The following CYP24A1 variants were observed in gnomAD, a reference collection of about 807,000 sequenced individuals.
CYP24A1 encodes 1,25-dihydroxyvitamin D(3) 24-hydroxylase, mitochondrial.
CYP24A1 carries 68 observed loss-of-function variants against 62.4 expected under a neutral mutation model. The observed-to-expected ratio is 1.09, with a 90% CI of 0.90 to 1.33. The LOEUF (loss-of-function observed/expected upper bound fraction) is 1.33, where lower values mean the gene tolerates loss of function less well. Ranked by LOEUF, CYP24A1 falls within the 40% of genes most tolerant of loss-of-function variation. The probability of loss-of-function intolerance (pLI) is 0.00; values close to 1 mark genes in which losing one functional copy is unlikely to be tolerated. For missense variants in CYP24A1, 787 were observed against 653.0 expected (o/e 1.21, Z -2.24); for synonymous variants, 267 against 253.0 (o/e 1.06, Z -0.52).
At position 54,158,154 on chromosome 20, in the gene CYP24A1, T is replaced by A; in HGVS notation, c.1168A>T (p.Ser390Cys). Reference protein sequence around the residue: ...CLKESMRLTPSVPFTTRTLDK... With the variant: ...CLKESMRLTPCVPFTTRTLDK... ...AGAGTCCGAGTTGTAAATGGTACAC[T>A]CGGCGTAAGCCTGAAAAGATAAAAT... Residue 390 changes from serine (S) to cysteine (C), a missense_variant, in exon 9 of 12, where the codon AGT becomes TGT. By Grantham distance (112) the Ser-to-Cys change is moderately radical. Coordinates refer to ENST00000216862, the MANE Select transcript of CYP24A1 (RefSeq NM_000782.5). The A allele has an allele frequency of 2.5e-6, 4 of 1,613,980 alleles. No individual in the cohort carries two copies. Among genetic ancestry groups the A allele is most frequent in the Non-Finnish European group, 2.5e-6 (3 of 1,179,990 alleles).
Position 54,173,165 on chromosome 20 carries a change from T to G in CYP24A1, c.259-66A>C. On this transcript the variant is annotated intron_variant, in intron 1 of 11. Coordinates refer to ENST00000216862, the MANE Select transcript of CYP24A1 (RefSeq NM_000782.5). This position sits in a 1 kb window ranked among gnomAD's most constrained non-coding sequence, Gnocchi z 7.2. Reference sequence around the variant, plus strand: ...TCCGCCGTGCCCGAAGCGCTTTCCCTCCTCCCGCCTCCTTCCTCCTAGGGG... The same window carrying G: ...TCCGCCGTGCCCGAAGCGCTTTCCCGCCTCCCGCCTCCTTCCTCCTAGGGG... The G allele has an allele frequency of 6.4e-7, 1 of 1,565,078 alleles. No individual in the cohort carries two copies. The highest frequency in any genetic ancestry group is 8.7e-7 in the Non-Finnish European group (1 of 1,147,422).
chr20:54,173,817 G>T lies in CYP24A1; in HGVS notation c.-238C>A. ...TGGTGCCTCCTTGCACTGGCCGCAG[G>T]GGCTGGAAGAGGGTGGCCGGTGTCT... On this transcript the variant is annotated 5_prime_UTR_variant, in exon 1 of 12. Transcript: ENST00000216862. This position sits in a 1 kb window ranked among gnomAD's most constrained non-coding sequence, Gnocchi z 7.2. The T allele has an allele frequency of 1.7e-6, 1 of 579,804 alleles. No homozygotes were observed. Among genetic ancestry groups the T allele is most frequent in the Non-Finnish European group, 3.1e-6 (1 of 325,640 alleles). The allele number at this position is 579,804 out of a possible 1,614,324, so 35.9% of individuals were successfully genotyped here. A position where few individuals can be genotyped will look rare whatever the true frequency, so the allele number is the denominator to read the frequency against.
intron 4 of CYP24A1, among the ~76,000 whole-genome samples, chr20:54,167,511 C>A (rs904727974): frequency 3.9e-5 from 6 of 152,148 alleles, no homozygotes; most frequent in Admixed American, 3.9e-4. Context: ...GTATCGCACG[C>A]CTGCAATACC....
intron 2 of CYP24A1, among the ~76,000 whole-genome samples, chr20:54,172,446 G>A (rs2092697179): frequency 6.6e-6 from 1 of 152,098 alleles, no homozygotes; most frequent in Non-Finnish European, 1.5e-5. Flanking sequence ...TAGAAATAAG[G>A]CATGTCCCCC....
chr20:54,167,407 G>A (rs1177142068), intron 4 of CYP24A1, among the ~76,000 whole-genome samples: 1 of 152,180 alleles, frequency 6.6e-6, no homozygotes, highest in East Asian at 1.9e-4. Flanking sequence ...TCTCAGAGGT[G>A]GAGGTGGGAG....
At chr20:54,156,783 T>G (rs1483511327) in intron 11 of CYP24A1, among the ~76,000 whole-genome samples, 1 of 152,218 alleles carries the variant, frequency 6.6e-6, no homozygotes, top group African/African-American at 2.4e-5. Context: ...AAGGTAGTAT[T>G]AAGAGGATGT....
At position 54,164,457 on chromosome 20, in the gene CYP24A1, T is replaced by A. The variant is rs1439490612; in HGVS notation, c.839A>T (p.Lys280Ile). ...DHTLAWDTIF[K>I]SVKACIDNRL... ...TGTGAAGGGCGGCCCTTTACCTGAT[T>A]TGAAAATGGTGTCCCAGGCCAGAGT... is the stretch of plus-strand genomic sequence containing the variant. Residue 280 changes from lysine (K) to isoleucine (I), a missense_variant, in exon 6 of 12, where the codon AAA becomes ATA. Physicochemically the swap from Lys to Ile is moderately radical, Grantham distance 102. Transcript: ENST00000216862. 7 of 1,614,008 alleles carry A rather than the reference T, an allele frequency of 4.3e-6. No individual in the cohort carries two copies. The highest frequency in any genetic ancestry group is 5.9e-6 in the Non-Finnish European group (7 of 1,180,014).
At chr20:54,169,066 T>A (rs2092684769) in intron 4 of CYP24A1, among the ~76,000 whole-genome samples, 2 of 150,938 alleles carry the variant, frequency 1.3e-5, no homozygotes, top group African/African-American at 4.9e-5. Flanking sequence ...CCTGACTAAT[T>A]TTTGTATTTT....
In CYP24A1 at chr20:54,173,678, A is replaced by G; in HGVS notation, c.-99T>C. On this transcript the variant is annotated 5_prime_UTR_variant, in exon 1 of 12. Transcript: ENST00000216862. This position sits in a 1 kb window ranked among gnomAD's most constrained non-coding sequence, Gnocchi z 7.2. ...GAGTCGGGGCTTAACGATTCTGGGA[A>G]AAGGAAGCAAAGAGGGCCAGCTGGT... 1 of 796,076 alleles carries G rather than the reference A, an allele frequency of 1.3e-6. No homozygotes were observed. The highest frequency in any genetic ancestry group is 1.7e-5 in the South Asian group (1 of 59,808). The allele number at this position is 796,076 out of a possible 1,614,324, so 49.3% of individuals were successfully genotyped here.
In CYP24A1 at chr20:54,159,031, A is replaced by G. The variant is rs147886742; in HGVS notation, c.1083T>C (p.Pro361=). The G allele has an allele frequency of 1.6e-4, 255 of 1,614,198 alleles. 1 individual carries two copies. Among genetic ancestry groups the G allele is most frequent in the Admixed American group, 3.8e-4 (23 of 60,026 alleles). The change falls in exon 8 of 12, where the codon CCT becomes CCC. Residue 361 remains proline (P), a synonymous_variant. Coordinates refer to ENST00000216862, the MANE Select transcript of CYP24A1 (RefSeq NM_000782.5). ...CTTCTGCCCGTGGCACCTGATTCTC[A>G]GGTAATACACTTTGAATTTCCTTAA... ...KLLKEIQSVL[P]ENQVPRAEDL...
At chr20:54,170,245 A>G (rs1298402915) in intron 3 of CYP24A1, among the ~76,000 whole-genome samples, 1 of 152,252 alleles carries the variant, frequency 6.6e-6, no homozygotes, top group Non-Finnish European at 1.5e-5. Flanking sequence ...TGCCAGTTTC[A>G]TAAACCAGAG....
chr20:54,162,977 A>G (rs1423828973), intron 6 of CYP24A1, 115 bp from the exon 7 acceptor site: 1 of 745,168 alleles, frequency 1.3e-6, no homozygotes, highest in Non-Finnish European at 2.5e-6. Flanking sequence ...TCTTTTCAGG[A>G]ACACTGACAA....
chr20:54,165,856 CT>C, intron 4 of CYP24A1, 23 bp from the exon 5 acceptor site: 1 of 1,065,394 alleles, frequency 9.4e-7, no homozygotes, highest in Non-Finnish European at 1.5e-6. Flanking sequence ...ATAATCATCA[CT>C]TTACACAAAC....
At chr20:54,170,763 A>G (rs13038432) in intron 3 of CYP24A1, among the ~76,000 whole-genome samples, 8,356 of 152,100 alleles carry the variant, frequency 0.055, 314 homozygotes, top group Middle Eastern at 0.095. Flanking sequence ...CTGCCTTATT[A>G]TTTTATATTA....
At chr20:54,171,740 C>T in intron 2 of CYP24A1, 70 bp from the exon 3 acceptor site, 1 of 1,613,176 alleles carries the variant, frequency 6.2e-7, no homozygotes, top group Non-Finnish European at 8.5e-7. Flanking sequence ...AATACTCCAG[C>T]TGCAACTTCA....
chr20:54,147,965 C>T, the CYP24A1 span, among the ~76,000 whole-genome samples: 1 of 152,136 alleles, frequency 6.6e-6, no homozygotes, highest in Non-Finnish European at 1.5e-5. Flanking sequence ...TCCCGAGTAG[C>T]TGGGATTACA....
intron 7 of CYP24A1, among the ~76,000 whole-genome samples, chr20:54,160,175 A>T (rs964726445): frequency 6.6e-6 from 1 of 152,240 alleles, no homozygotes; most frequent in Non-Finnish European, 1.5e-5. Context: ...TGCCAACACC[A>T]AAAATAAGAA....
intron 7 of CYP24A1, 174 bp downstream of exon 7, chr20:54,162,543 C>CATAGATGCTGTGCGCGGAGGCACCGTGGT: frequency 1.7e-6 from 1 of 593,614 alleles, no homozygotes; most frequent in South Asian, 1.9e-5. Flanking sequence ...GGCACCGTGG[C>CATAGATGCTGTGCGCGGAGGCACCGTGGT]ATAGATGCTG....
At position 54,164,493 on chromosome 20, in the gene CYP24A1, C is replaced by T. The variant is rs1288612920; in HGVS notation, c.803G>A (p.Trp268Ter). Residue 268 changes from tryptophan to a stop codon, truncating the protein, a stop_gained, in exon 6 of 12, where the codon TGG becomes TAG. Transcript: ENST00000216862. LOFTEE classifies it high-confidence loss of function. ...ELHKSLNTKV[W>*]QDHTLAWDTI... is the part of the protein sequence containing the mutation. ...GTCCCAGGCCAGAGTGTGGTCCTGC[C>T]AGACCTTGGTGTTGAGGCTCTTGTG... is the stretch of plus-strand genomic sequence containing the variant. The T allele has an allele frequency of 1.2e-6, 2 of 1,614,022 alleles. No homozygotes were observed. Among genetic ancestry groups the T allele is most frequent in the Non-Finnish European group, 1.7e-6 (2 of 1,180,028 alleles).
Sources: gnomAD v4.1 joint callset for allele counts (sites outside exome capture counted in the v4.1 genomes callset) on GRCh38, gnomAD v4.1.1 for gene constraint, Gnocchi (gnomAD v3.1) non-coding constraint, MANE v1.5 for transcripts, NCBI Gene and HGNC (gene_info 2026-07-23, HGNC 2026-07-21) for gene names.